SNAP29: variants seen among roughly 807,000 people sequenced by gnomAD.
SNAP29 encodes synaptosomal-associated protein 29.
Under a neutral mutation model 27.9 loss-of-function variants are expected in SNAP29, and 13 were observed. The observed-to-expected ratio is 0.47, with a 90% CI of 0.30 to 0.74. The LOEUF is 0.74. SNAP29 is among the 30% of genes least tolerant of loss of function. The pLI is 0.06. For synonymous variants in SNAP29, 119 were observed against 127.1 expected, an observed-to-expected ratio of 0.94 and a Z score of 0.43; for missense variants, 368 against 336.5, an observed-to-expected ratio of 1.09 and a Z score of -0.73.
At chr22:20,873,450 T>C (rs1366862119) in intron 2 of SNAP29, among the ~76,000 whole-genome samples, 1 of 150,366 alleles carries the variant, frequency 6.7e-6, no homozygotes, top group African/African-American at 2.4e-5. Flanking sequence ...GGGAGGAAAT[T>C]AGATAACTAC....
In SNAP29 at chr22:20,874,369, ACAC is replaced by A. The variant is rs1463622812; in HGVS notation, c.434+3837_434+3839del. On this transcript the variant is annotated intron_variant, in intron 2 of 4. Transcript: ENST00000215730. ...ATTAGCCACACACACACACACACAC[ACAC>A]ACACACACACACACACACACACACG... Among the ~76,000 whole-genome samples, 6 of 129,686 alleles carry A rather than the reference ACAC, an allele frequency of 4.6e-5. No homozygotes were observed. The East Asian group carries it at 1.5e-3, about 32-fold the overall frequency. The allele number at this position is 129,686 out of a possible 152,430, so 85.1% of individuals were successfully genotyped here.
chr22:20,868,639 T>G (rs533350354), intron 1 of SNAP29, among the ~76,000 whole-genome samples: 20 of 152,266 alleles, frequency 1.3e-4, no homozygotes, highest in African/African-American at 4.8e-4. Flanking sequence ...ATAGTTAGTG[T>G]AATTGCTAAG....
rs368923701 is a variant in SNAP29 at position 20,879,362 on chromosome 22, G to A, written c.435-1687G>A. Reference sequence around the variant, plus strand: ...CACAGTGGCTCATGCCTGCATGGCTGTAATCCTGGCACTTTTGGAGGCTGA... The same window carrying A: ...CACAGTGGCTCATGCCTGCATGGCTATAATCCTGGCACTTTTGGAGGCTGA... On this transcript the variant is annotated intron_variant, in intron 2 of 4. Coordinates refer to ENST00000215730, the MANE Select transcript of SNAP29 (RefSeq NM_004782.4). 9.3e-5 allele frequency among the ~76,000 whole-genome samples: 14 copies of A among 150,518 alleles called. No individual in the cohort carries two copies. The South Asian group carries it at 3.0e-3, about 32-fold the overall frequency.
rs1177626341 is a variant in SNAP29, at chr22:20,889,688, C to CT, written c.*1853dup. 2.6e-5 allele frequency: 4 copies of CT among 152,222 alleles called. No homozygotes were observed. In the South Asian group the frequency reaches 8.3e-4, roughly 32 times the overall value. 9.4% of individuals were successfully genotyped at this position (152,222 alleles called of 1,614,324 possible). On this transcript the variant is annotated 3_prime_UTR_variant, in exon 5 of 5. Coordinates refer to ENST00000215730, the MANE Select transcript of SNAP29 (RefSeq NM_004782.4). ...CTGTAATTGTTTCTGGTTCTTTCCT[C>CT]TAACACCTTCCATGTATGTCAACTT...
At chr22:20,871,482 T>TTAAAAAAAAAAA (rs1928590128) in intron 2 of SNAP29, among the ~76,000 whole-genome samples, 4 of 64,132 alleles carry the variant, frequency 6.2e-5, no homozygotes, top group African/African-American at 2.5e-4. Flanking sequence ...TCCCTGTCTC[T>TTAAAAAAAAAAA]AAAAAAAAAA....
chr22:20,860,713 C>CT (rs1193813214), intron 1 of SNAP29, among the ~76,000 whole-genome samples: 1 of 151,772 alleles, frequency 6.6e-6, no homozygotes, highest in Non-Finnish European at 1.5e-5. Flanking sequence ...CTTCAGCCTG[C>CT]TAATGAAACA....
intron 4 of SNAP29, 68 bp downstream of exon 4, chr22:20,883,637 C>G: frequency 1.0e-6 from 1 of 991,238 alleles, no homozygotes; most frequent in Non-Finnish European, 1.6e-6. Context: ...CAAGCATAGC[C>G]CCTGCATGAG....
chr22:20,871,653 C>T (rs1394117357), intron 2 of SNAP29, among the ~76,000 whole-genome samples: 1 of 151,986 alleles, frequency 6.6e-6, no homozygotes, highest in Non-Finnish European at 1.5e-5. Flanking sequence ...GAGGCCGAGG[C>T]GGGTGGATCA....
intron 1 of SNAP29, among the ~76,000 whole-genome samples, chr22:20,865,547 A>T (rs187190876): frequency 1.3e-5 from 2 of 152,118 alleles, no homozygotes; most frequent in African/African-American, 4.8e-5. Flanking sequence ...TGACAAGCTG[A>T]GCGGCCATCT....
Position 20,859,015 on chromosome 22 carries a change from G to C in SNAP29, c.-96G>C. 2.2e-6 allele frequency: 3 copies of C among 1,370,840 alleles called. No individual in the cohort carries two copies. Among genetic ancestry groups the C allele is most frequent in the South Asian group, 2.7e-5 (2 of 73,648 alleles). 84.9% of individuals were successfully genotyped at this position (1,370,840 alleles called of 1,614,324 possible). A position where few individuals can be genotyped will look rare whatever the true frequency, so the allele number is the denominator to read the frequency against. On this transcript the variant is annotated 5_prime_UTR_variant, in exon 1 of 5. Transcript: ENST00000215730. The stretch of plus-strand genomic sequence containing the variant: ...CGCGACGCGCGGAAGGAGTTCGCGC[G>C]ACGACCGCGGGGTCGGCGGGCGGGG...
Position 20,874,313 on chromosome 22 carries a change from CACAG to C in SNAP29, c.434+3784_434+3787del, listed in dbSNP as rs1555914207. ...CAAGACTCTGACACACACAGACACACACAGACACACACACACACACACACACGAA... is the reference window on the plus strand; with the variant it reads ...CAAGACTCTGACACACACAGACACACACACACACACACACACACACACGAA... On this transcript the variant is annotated intron_variant, in intron 2 of 4. Coordinates refer to ENST00000215730, the MANE Select transcript of SNAP29 (RefSeq NM_004782.4). 3.8e-3 allele frequency among the ~76,000 whole-genome samples: 522 copies of C among 136,366 alleles called. 2 individuals are homozygous for C. Among genetic ancestry groups the C allele is most frequent in the Middle Eastern group, 7.2e-3 (2 of 278 alleles). 89.5% of individuals were successfully genotyped at this position (136,366 alleles called of 152,430 possible).
rs183376538 is a variant in SNAP29, at chr22:20,890,459, C to T, written c.*2623C>T. On this transcript the variant is annotated 3_prime_UTR_variant, in exon 5 of 5. Transcript: ENST00000215730. ...GGTTGGTTATATGTTAAGTGTGCTACTAACTTAAAAAATAGTGGCTGGGCG... is the reference window on the plus strand; with the variant it reads ...GGTTGGTTATATGTTAAGTGTGCTATTAACTTAAAAAATAGTGGCTGGGCG... 2.4e-4 allele frequency: 95 copies of T among 397,666 alleles called. No homozygotes were observed. Among genetic ancestry groups the T allele is most frequent in the African/African-American group, 1.7e-3 (83 of 48,704 alleles). The allele number at this position is 397,666 out of a possible 1,614,324, so 24.6% of individuals were successfully genotyped here.
At chr22:20,880,950 G>T in intron 2 of SNAP29, 99 bp from the exon 3 acceptor site, 1 of 802,522 alleles carries the variant, frequency 1.2e-6, no homozygotes, top group South Asian at 1.5e-5. Context: ...GGAGGCATTT[G>T]ATTTTTAGCA....
chr22:20,883,631 C>A, intron 4 of SNAP29, 62 bp downstream of exon 4: 1 of 1,046,524 alleles, frequency 9.6e-7, no homozygotes, highest in Non-Finnish European at 1.5e-6. Flanking sequence ...TTACGCCAAG[C>A]ATAGCCCCTG....
intron 1 of SNAP29, among the ~76,000 whole-genome samples, chr22:20,861,997 T>A (rs570134377): frequency 7.2e-5 from 11 of 152,326 alleles, no homozygotes; most frequent in African/African-American, 2.6e-4. Context: ...CTCAAACGCC[T>A]GACCTTAGGT....
rs556740826 is a variant in SNAP29 at position 20,876,078 on chromosome 22, A to G, written c.435-4971A>G. Reference sequence around the variant, plus strand: ...TGGGAGGCTGAGGCAGGAGAATGGCATGAACCCGGGAGGTGGAGGTTGCAG... The same window carrying G: ...TGGGAGGCTGAGGCAGGAGAATGGCGTGAACCCGGGAGGTGGAGGTTGCAG... On this transcript the variant is annotated intron_variant, in intron 2 of 4. Coordinates refer to ENST00000215730, the MANE Select transcript of SNAP29 (RefSeq NM_004782.4). Among the ~76,000 whole-genome samples, 498 of 151,476 alleles carry G rather than the reference A, an allele frequency of 3.3e-3. 1 individual carries two copies. Among genetic ancestry groups the G allele is most frequent in the African/African-American group, 0.011 (467 of 41,340 alleles).
intron 2 of SNAP29, among the ~76,000 whole-genome samples, chr22:20,877,923 T>TGCCCACAGTGGTGCTTA (rs1469914382): frequency 1.3e-5 from 2 of 152,234 alleles, no homozygotes; most frequent in Non-Finnish European, 2.9e-5. Flanking sequence ...GGCAATGCAC[T>TGCCCACAGTGGTGCTTA]GCCCACAGTG....
At chr22:20,869,398 C>T (rs1416706717) in intron 1 of SNAP29, among the ~76,000 whole-genome samples, 3 of 152,072 alleles carry the variant, frequency 2.0e-5, no homozygotes, top group African/African-American at 7.2e-5. Flanking sequence ...AGAGGCTGAG[C>T]CATGTAAGTA....
intron 2 of SNAP29, among the ~76,000 whole-genome samples, chr22:20,877,929 C>T (rs1928788009): frequency 6.6e-6 from 1 of 152,224 alleles, no homozygotes; most frequent in African/African-American, 2.4e-5. Flanking sequence ...GCACTGCCCA[C>T]AGTGGTGCTT....
Sources: allele counts gnomAD v4.1 joint callset (sites outside exome capture counted in the v4.1 genomes callset), GRCh38; gene constraint gnomAD v4.1.1; transcripts MANE v1.5; gene names NCBI Gene and HGNC (gene_info 2026-07-23, HGNC 2026-07-21).